The following GRIK1 variants were observed in gnomAD, a reference collection of about 807,000 sequenced individuals.
The protein encoded by GRIK1 is glutamate receptor ionotropic, kainate 1.
Under a neutral mutation model 105.7 loss-of-function variants are expected in GRIK1, and 69 were observed. The ratio of observed to expected loss-of-function variants is 0.65; its 90% CI spans 0.54 to 0.80. The LOEUF is 0.80. Among genes scored for constraint, GRIK1 ranks in the 30% least tolerant of loss-of-function variants. The pLI, the probability that GRIK1 is intolerant of heterozygous loss-of-function variation, is 0.00. For synonymous variants in GRIK1, 438 were observed against 431.3 expected (o/e 1.02, Z -0.19); for missense variants, 1,109 against 1,167.3 (o/e 0.95, Z 0.73).
At chr21:29,632,679 G>A (rs2062308105) in intron 7 of GRIK1, among the ~76,000 whole-genome samples, 1 of 142,692 alleles carries the variant, frequency 7.0e-6, no homozygotes, top group South Asian at 2.3e-4. Context: ...CTGTATAAAA[G>A]CAAATTCTTT....
intron 7 of GRIK1, among the ~76,000 whole-genome samples, chr21:29,638,106 C>T (rs546635964): frequency 3.8e-4 from 58 of 152,178 alleles, no homozygotes; most frequent in African/African-American, 1.4e-3. Context: ...CTTAATGTTT[C>T]CTAGGTGTTG....
At chr21:29,760,477 G>A (rs1460665892) in intron 1 of GRIK1, 2 of 152,180 alleles carry the variant, frequency 1.3e-5, no homozygotes, top group Non-Finnish European at 2.9e-5. Context: ...AGTAAGCTTG[G>A]CGGGTAGGGA....
intron 1 of GRIK1, among the ~76,000 whole-genome samples, chr21:29,763,178 C>A (rs2065571946): frequency 6.6e-6 from 1 of 152,170 alleles, no homozygotes; most frequent in African/African-American, 2.4e-5. Context: ...ATGCTGTTCT[C>A]ATGATAATGC....
intron 1 of GRIK1, among the ~76,000 whole-genome samples, chr21:29,737,142 T>A (rs1248219929): frequency 6.6e-6 from 1 of 152,210 alleles, no homozygotes; most frequent in Non-Finnish European, 1.5e-5. Context: ...GACAGCTTGA[T>A]GTTTCCAAGA....
At chr21:29,735,782 A>T (rs1029168696) in intron 1 of GRIK1, among the ~76,000 whole-genome samples, 13 of 149,716 alleles carry the variant, frequency 8.7e-5, no homozygotes, top group African/African-American at 3.2e-4. Context: ...CTGTAGTCCC[A>T]GCTACTTGGG....
At chr21:29,620,794 TATATATATATAG>T (rs1244503950) in intron 7 of GRIK1, among the ~76,000 whole-genome samples, 2 of 106,318 alleles carry the variant, frequency 1.9e-5, no homozygotes, top group South Asian at 3.0e-4. Context: ...TATATATATC[TATATATATATAG>T]ATATATATAT....
At chr21:29,577,318 A>G (rs1275094923) in intron 13 of GRIK1, 137 bp from the exon 14 acceptor site, 2 of 558,390 alleles carry the variant, frequency 3.6e-6, no homozygotes, top group South Asian at 3.0e-5. Flanking sequence ...AATGCATTTT[A>G]TAGAAAATGG....
intron 1 of GRIK1, among the ~76,000 whole-genome samples, chr21:29,746,136 A>G (rs557325586): frequency 6.6e-6 from 1 of 152,228 alleles, no homozygotes; most frequent in South Asian, 2.1e-4. Flanking sequence ...TCGAGAAAAG[A>G]GAAGAGCTAC....
intron 1 of GRIK1, among the ~76,000 whole-genome samples, chr21:29,824,497 G>C (rs770977803): frequency 8.6e-5 from 13 of 151,992 alleles, no homozygotes; most frequent in East Asian, 1.9e-4. Flanking sequence ...CATTGTATGG[G>C]AAGTGGGCAA....
chr21:29,814,866 A>G (rs1469426883), intron 1 of GRIK1, among the ~76,000 whole-genome samples: 5 of 151,984 alleles, frequency 3.3e-5, no homozygotes, highest in Non-Finnish European at 7.4e-5. Context: ...TAAGAGTGTA[A>G]ATTCTGAAAT....
At chr21:29,628,136 A>AT (rs1179982870) in intron 7 of GRIK1, among the ~76,000 whole-genome samples, 2 of 152,236 alleles carry the variant, frequency 1.3e-5, no homozygotes, top group East Asian at 3.8e-4. Context: ...CATCTAAGCA[A>AT]TGTAATCCAT....
intron 1 of GRIK1, among the ~76,000 whole-genome samples, chr21:29,745,829 C>A (rs923014983): frequency 6.6e-6 from 1 of 152,196 alleles, no homozygotes; most frequent in Non-Finnish European, 1.5e-5. Flanking sequence ...AGAGTCCGGG[C>A]ATGGTGGCTC....
intron 7 of GRIK1, among the ~76,000 whole-genome samples, chr21:29,609,363 G>T (rs2061683104): frequency 6.6e-6 from 1 of 152,014 alleles, no homozygotes; most frequent in Non-Finnish European, 1.5e-5. Context: ...ATACAAATTT[G>T]TCCTTTTTAT....
intron 1 of GRIK1, among the ~76,000 whole-genome samples, chr21:29,801,090 T>A (rs184484175): frequency 1.1e-3 from 164 of 152,180 alleles, no homozygotes; most frequent in Middle Eastern, 0.01. Context: ...TGGTGTTGAG[T>A]ACCTTGTTGA....
rs1262585336 is a variant in GRIK1 at position 29,587,593 on chromosome 21, CA to C, written c.1570-5del. 6.3e-7 allele frequency: 1 copy of C among 1,587,402 alleles called. No homozygotes were observed. Among genetic ancestry groups the C allele is most frequent in the South Asian group, 1.1e-5 (1 of 90,184 alleles). On this transcript the variant is annotated splice_region_variant and splice_polypyrimidine_tract_variant and intron_variant, in intron 11 of 17. Coordinates refer to ENST00000327783, the MANE Select transcript of GRIK1 (RefSeq NM_001330994.2). The stretch of plus-strand genomic sequence containing the variant: ...GAGCCACTGCCAGGTCAGCCCTCTG[CA>C]AAAGCAAGTCCAAAATTGTCAGCTT...
chr21:29,938,184 A>G (rs2146385964), intron 1 of GRIK1, among the ~76,000 whole-genome samples: 1 of 152,380 alleles, frequency 6.6e-6, no homozygotes, highest in African/African-American at 2.4e-5. Context: ...TCAACTGCTC[A>G]GGAAGCGTCA....
At chr21:29,615,907 G>A (rs1049946463) in intron 7 of GRIK1, among the ~76,000 whole-genome samples, 3 of 152,120 alleles carry the variant, frequency 2.0e-5, no homozygotes, top group African/African-American at 4.8e-5. Context: ...GGGAAAATCA[G>A]TTTACCCCAC....
intron 1 of GRIK1, among the ~76,000 whole-genome samples, chr21:29,894,534 C>A (rs960560367): frequency 1.3e-5 from 2 of 152,108 alleles, no homozygotes; most frequent in Admixed American, 1.3e-4. Context: ...TGGTGCCCAC[C>A]CAGACCGAGG....
At chr21:29,909,722 G>A (rs1358509144) in intron 1 of GRIK1, among the ~76,000 whole-genome samples, 1 of 152,126 alleles carries the variant, frequency 6.6e-6, no homozygotes, top group East Asian at 1.9e-4. Context: ...TGAGCAGTTG[G>A]CAAGGTGCTC....
Sources: allele counts gnomAD v4.1 joint callset (sites outside exome capture counted in the v4.1 genomes callset), GRCh38; gene constraint gnomAD v4.1.1; transcripts MANE v1.5; gene names NCBI Gene and HGNC (gene_info 2026-07-23, HGNC 2026-07-21).